Variants in PXDNL observed in about 807,000 individuals in gnomAD.
The protein encoded by PXDNL is peroxidasin like, also known as probable oxidoreductase PXDNL.
A neutral mutation model predicts 150.8 loss-of-function variants in PXDNL; 145 were observed. The observed-to-expected ratio is 0.96, with a 90% confidence interval of 0.84 to 1.10. PXDNL has a LOEUF of 1.10. Among genes scored for constraint, PXDNL ranks in the 50% least tolerant of loss-of-function variants. The pLI is 0.00. For synonymous variants in PXDNL, 757 were observed against 725.7 expected, an observed-to-expected ratio of 1.04 and a Z score of -0.69; for missense variants, 2,087 against 1,873.9, an observed-to-expected ratio of 1.11 and a Z score of -2.10.
intron 1 of PXDNL, among the ~76,000 whole-genome samples, chr8:51,682,896 G>A (rs907623280): frequency 6.6e-6 from 1 of 151,772 alleles, no homozygotes; most frequent in African/African-American, 2.4e-5. Context: ...TGGGAGGCTG[G>A]GAATTTCCAG....
At chr8:51,376,540 C>T (rs547725088) in intron 17 of PXDNL, among the ~76,000 whole-genome samples, 32 of 152,226 alleles carry the variant, frequency 2.1e-4, no homozygotes, top group African/African-American at 7.7e-4. Context: ...TTTCTTGTTA[C>T]ATAGCTTTAT....
chr8:51,626,167 A>G (rs1298534796), intron 2 of PXDNL, among the ~76,000 whole-genome samples: 1 of 152,242 alleles, frequency 6.6e-6, no homozygotes, highest in Non-Finnish European at 1.5e-5. Context: ...AATAACGAGA[A>G]TGAACACATA....
intron 1 of PXDNL, among the ~76,000 whole-genome samples, chr8:51,727,433 T>C (rs191869946): frequency 3.3e-5 from 5 of 152,276 alleles, no homozygotes; most frequent in Middle Eastern, 3.4e-3. Context: ...CAAAATACTA[T>C]AAAAACATTT....
chr8:51,766,556 G>A (rs2037233804), intron 1 of PXDNL, among the ~76,000 whole-genome samples: 1 of 152,150 alleles, frequency 6.6e-6, no homozygotes, highest in Non-Finnish European at 1.5e-5. Flanking sequence ...CTGTTTATCT[G>A]GGAATGTCTT....
At chr8:51,357,778 G>A (rs1247651696) in intron 19 of PXDNL, among the ~76,000 whole-genome samples, 3 of 152,146 alleles carry the variant, frequency 2.0e-5, no homozygotes, top group Non-Finnish European at 2.9e-5. Flanking sequence ...TGGAGGGCTT[G>A]TAGGTTTGTT....
intron 21 of PXDNL, among the ~76,000 whole-genome samples, chr8:51,332,809 T>C (rs535835428): frequency 2.0e-5 from 3 of 152,212 alleles, no homozygotes; most frequent in Admixed American, 1.3e-4. Flanking sequence ...TAAGAAAATA[T>C]GAACAAAGCC....
chr8:51,641,221 C>T (rs369338788), intron 2 of PXDNL, among the ~76,000 whole-genome samples: 9 of 125,044 alleles, frequency 7.2e-5, no homozygotes, highest in Non-Finnish European at 6.3e-5. Context: ...GGATTAAAGA[C>T]TTAAACGTTA....
intron 2 of PXDNL, among the ~76,000 whole-genome samples, chr8:51,633,863 C>T (rs998143503): frequency 2.6e-5 from 4 of 152,050 alleles, no homozygotes; most frequent in African/African-American, 9.7e-5. Flanking sequence ...GTTTAAGTTC[C>T]TTATACATTC....
At chr8:51,537,478 T>A in intron 4 of PXDNL, among the ~76,000 whole-genome samples, 1 of 152,228 alleles carries the variant, frequency 6.6e-6, no homozygotes, top group African/African-American at 2.4e-5. Context: ...CTAGCCATTT[T>A]AAAAACTGCA....
intron 3 of PXDNL, among the ~76,000 whole-genome samples, chr8:51,578,026 G>GAAATA (rs1813121059): frequency 1.6e-5 from 2 of 124,762 alleles, no homozygotes; most frequent in African/African-American, 7.0e-5. Context: ...AGGAAGGAAG[G>GAAATA]AAGGAAGGAA....
At chr8:51,553,740 T>TATA (rs1812542163) in intron 4 of PXDNL, among the ~76,000 whole-genome samples, 3 of 112,946 alleles carry the variant, frequency 2.7e-5, no homozygotes, top group African/African-American at 8.2e-5. Context: ...GTGAGGGATT[T>TATA]TATATATATA....
intron 8 of PXDNL, among the ~76,000 whole-genome samples, chr8:51,463,706 T>C (rs998789472): frequency 3.9e-5 from 6 of 152,160 alleles, no homozygotes; most frequent in African/African-American, 1.4e-4. Flanking sequence ...TACTTAGCCA[T>C]AAAGCAAGTC....
At chr8:51,762,590 A>T (rs1384146165) in intron 1 of PXDNL, among the ~76,000 whole-genome samples, 1 of 152,238 alleles carries the variant, frequency 6.6e-6, no homozygotes, top group Non-Finnish European at 1.5e-5. Flanking sequence ...TGTCAACCAG[A>T]CAATATTTAA....
intron 19 of PXDNL, among the ~76,000 whole-genome samples, chr8:51,349,049 CTA>C (rs1288699797): frequency 6.6e-6 from 1 of 152,128 alleles, no homozygotes; most frequent in Admixed American, 6.5e-5. Flanking sequence ...AATTTCTGGT[CTA>C]TGTGTGACAT....
intron 2 of PXDNL, among the ~76,000 whole-genome samples, chr8:51,614,505 T>C (rs1026972315): frequency 6.6e-6 from 1 of 152,190 alleles, no homozygotes; most frequent in Non-Finnish European, 1.5e-5. Context: ...ACTCTGGCCA[T>C]GTGGCAGCAC....
intron 3 of PXDNL, among the ~76,000 whole-genome samples, chr8:51,563,959 AGTT>A (rs1292693483): frequency 6.6e-6 from 1 of 152,042 alleles, no homozygotes; most frequent in Non-Finnish European, 1.5e-5. Flanking sequence ...AAATAAATCT[AGTT>A]GTTAATTCAA....
intron 2 of PXDNL, among the ~76,000 whole-genome samples, chr8:51,603,737 A>C (rs560495066): frequency 6.6e-6 from 1 of 152,270 alleles, no homozygotes; most frequent in South Asian, 2.1e-4. Flanking sequence ...CTTTAAAATT[A>C]GCTTTGAAAT....
chr8:51,644,975 AAG>A (rs1387118276), intron 2 of PXDNL, among the ~76,000 whole-genome samples: 2 of 151,974 alleles, frequency 1.3e-5, no homozygotes, highest in South Asian at 2.1e-4. Context: ...GGAGACATAA[AAG>A]AGAAGATTTA....
intron 3 of PXDNL, among the ~76,000 whole-genome samples, chr8:51,561,540 T>TA (rs1563465153): frequency 6.6e-6 from 1 of 150,628 alleles, no homozygotes. Context: ...AATTTTTTTT[T>TA]AAAAAAACGA....
Sources: allele counts gnomAD v4.1 joint callset (sites outside exome capture counted in the v4.1 genomes callset), GRCh38; gene constraint gnomAD v4.1.1; transcripts MANE v1.5; gene names NCBI Gene and HGNC (gene_info 2026-07-23, HGNC 2026-07-21).